Variants in QTMAN observed in about 807,000 individuals in gnomAD.
QTMAN encodes the protein queuosine-tRNA mannosyltransferase.
the QTMAN span, among the ~76,000 whole-genome samples, chr2:144,161,265 A>G: frequency 6.6e-6 from 1 of 152,270 alleles, no homozygotes; most frequent in Admixed American, 6.5e-5. Context: ...GGACATCACA[A>G]CTGTATACAA....
At chr2:144,117,895 G>A in the QTMAN span, among the ~76,000 whole-genome samples, 1 of 151,864 alleles carries the variant, frequency 6.6e-6, no homozygotes, top group Non-Finnish European at 1.5e-5. Context: ...GCCCAGGCTG[G>A]AGTGCAGTGG....
the QTMAN span, among the ~76,000 whole-genome samples, chr2:144,281,648 T>A: frequency 6.6e-6 from 1 of 151,858 alleles, no homozygotes; most frequent in South Asian, 2.1e-4. Context: ...GCTATTAGAG[T>A]GGGTGGGTCC....
chr2:144,096,311 T>C, the QTMAN span, among the ~76,000 whole-genome samples: 1 of 152,354 alleles, frequency 6.6e-6, no homozygotes, highest in African/African-American at 2.4e-5. Context: ...TCTAGATCAA[T>C]AGTGAAGATA....
the QTMAN span, among the ~76,000 whole-genome samples, chr2:144,268,492 G>A: frequency 7.9e-5 from 12 of 152,222 alleles, 1 homozygote; most frequent in Admixed American, 6.5e-4. Context: ...TGCTCTCTAT[G>A]TGGCAATACA....
chr2:144,218,290 T>C, the QTMAN span, among the ~76,000 whole-genome samples: 5 of 152,168 alleles, frequency 3.3e-5, no homozygotes, highest in African/African-American at 4.8e-5. Context: ...CTAAGGAAAA[T>C]TGTCTGCCCT....
chr2:144,237,702 C>T, the QTMAN span, among the ~76,000 whole-genome samples: 1 of 152,156 alleles, frequency 6.6e-6, no homozygotes, highest in Non-Finnish European at 1.5e-5. Flanking sequence ...TCCAAGACAG[C>T]CCCCAATAAT....
At chr2:144,008,339 AG>A in the QTMAN span, among the ~76,000 whole-genome samples, 23 of 151,776 alleles carry the variant, frequency 1.5e-4, no homozygotes, top group Non-Finnish European at 2.8e-4. Context: ...TTTTTAATGG[AG>A]GGGAAGAGAT....
At chr2:144,208,925 C>T in the QTMAN span, 1 of 555,688 alleles carries the variant, frequency 1.8e-6, no homozygotes, top group South Asian at 3.0e-5. Flanking sequence ...TGTTATTTTT[C>T]AAAATAGGCT....
At chr2:144,082,710 A>G in the QTMAN span, among the ~76,000 whole-genome samples, 1 of 152,222 alleles carries the variant, frequency 6.6e-6, no homozygotes, top group East Asian at 1.9e-4. Flanking sequence ...TGACCTGCCA[A>G]TGATGTCACA....
At chr2:144,169,876 T>C in the QTMAN span, among the ~76,000 whole-genome samples, 1 of 152,086 alleles carries the variant, frequency 6.6e-6, no homozygotes, top group Non-Finnish European at 1.5e-5. Flanking sequence ...ATTTTCATTA[T>C]AGGATAATTT....
the QTMAN span, among the ~76,000 whole-genome samples, chr2:144,093,854 AC>A: frequency 1.7e-4 from 26 of 152,174 alleles, no homozygotes; most frequent in African/African-American, 5.5e-4. Context: ...TACACAACCT[AC>A]ACTCTACTAA....
At chr2:144,208,869 A>G in the QTMAN span, 4 of 884,686 alleles carry the variant, frequency 4.5e-6, no homozygotes, top group East Asian at 2.8e-5. Flanking sequence ...TTTAATAAAA[A>G]TAAGTTCAAA....
the QTMAN span, among the ~76,000 whole-genome samples, chr2:144,034,701 G>A: frequency 2.6e-5 from 4 of 152,144 alleles, no homozygotes; most frequent in South Asian, 2.1e-4. Flanking sequence ...CAGTATATAC[G>A]TTTCATTCTT....
At chr2:144,193,829 C>G in the QTMAN span, among the ~76,000 whole-genome samples, 4 of 151,958 alleles carry the variant, frequency 2.6e-5, no homozygotes, top group Non-Finnish European at 5.9e-5. Context: ...GCCCAGCACC[C>G]CCAAATATTT....
the QTMAN span, among the ~76,000 whole-genome samples, chr2:144,153,694 GAAAACAAAAACA>G: frequency 4.6e-5 from 7 of 151,990 alleles, no homozygotes; most frequent in African/African-American, 1.5e-4. Flanking sequence ...CCGTCTCAAA[GAAAACAAAAACA>G]AAAACAAAAA....
At chr2:144,224,948 T>C in the QTMAN span, among the ~76,000 whole-genome samples, 3 of 152,204 alleles carry the variant, frequency 2.0e-5, no homozygotes, top group East Asian at 5.8e-4. Context: ...GAGGGACCAA[T>C]AGCAAGTTAT....
the QTMAN span, among the ~76,000 whole-genome samples, chr2:144,232,362 C>T: frequency 5.3e-5 from 8 of 152,150 alleles, no homozygotes; most frequent in African/African-American, 1.9e-4. Flanking sequence ...AATAAATCCC[C>T]GCAAAAGAAA....
chr2:144,321,624 G>A, the QTMAN span, among the ~76,000 whole-genome samples: 5 of 152,096 alleles, frequency 3.3e-5, no homozygotes, highest in Admixed American at 2.6e-4. Context: ...TTGATTAAGA[G>A]ACAGAGTCTC....
the QTMAN span, among the ~76,000 whole-genome samples, chr2:144,124,118 G>A: frequency 6.6e-6 from 1 of 152,074 alleles, no homozygotes; most frequent in African/African-American, 2.4e-5. Flanking sequence ...ACCCTAGACT[G>A]CTAGTAGAAG....
Sources: gnomAD v4.1 joint callset for allele counts (sites outside exome capture counted in the v4.1 genomes callset) on GRCh38, gnomAD v4.1.1 for gene constraint, MANE v1.5 for transcripts, NCBI Gene and HGNC (gene_info 2026-07-23, HGNC 2026-07-21) for gene names.